The following RGS3 variants were observed in gnomAD, a reference collection of about 807,000 sequenced individuals.
RGS3 encodes regulator of G protein signaling 3, also known as regulator of G-protein signalling 3.
In RGS3, 80 loss-of-function variants were observed where a neutral mutation model predicts 132.6. That is an observed-to-expected ratio of 0.60 (90% CI 0.50 to 0.73). The LOEUF (loss-of-function observed/expected upper bound fraction) is 0.73. Ranked by LOEUF, RGS3 falls within the 30% of genes least tolerant of loss-of-function variation. The pLI is 0.00. For synonymous variants in RGS3, 598 were observed against 620.6 expected (o/e 0.96, Z 0.54); for missense variants, 1,382 against 1,530.8 (o/e 0.90, Z 1.62).
chr9:113,457,720 G>A (rs1357598312), upstream of RGS3, among the ~76,000 whole-genome samples: 2 of 152,158 alleles, frequency 1.3e-5, no homozygotes, highest in African/African-American at 2.4e-5. Flanking sequence ...CTGCATCTTA[G>A]TTGCTTCATA....
At chr9:113,553,467 T>TAA in intron 19 of RGS3, among the ~76,000 whole-genome samples, 1 of 43,436 alleles carries the variant, frequency 2.3e-5, no homozygotes, top group South Asian at 9.4e-4. Context: ...AAAATATATA[T>TAA]ATATATATAT....
At chr9:113,487,439 A>G (rs1444180252) in intron 7 of RGS3, among the ~76,000 whole-genome samples, 2 of 152,192 alleles carry the variant, frequency 1.3e-5, no homozygotes, top group Middle Eastern at 3.2e-3. Context: ...CAACAGCTCT[A>G]AGAAGAGTGT....
chr9:113,507,350 A>G lies in RGS3; in HGVS notation c.1149A>G (p.Pro383=), dbSNP rs1019995995. Residue 383 remains proline, a synonymous_variant, in exon 13 of 25, where the codon CCA becomes CCG. Coordinates refer to ENST00000350696, the Ensembl canonical transcript of RGS3. This position sits in a 1 kb window ranked among gnomAD's most constrained non-coding sequence, Gnocchi z 5.0. ...TGGTCCCCCAGGTCAAGCCAGGACCAGATGGCGGGGTCCTGCGGCGGGCCT... is the reference window on the plus strand; with the variant it reads ...TGGTCCCCCAGGTCAAGCCAGGACCGGATGGCGGGGTCCTGCGGCGGGCCT... 1 of 1,613,906 alleles carries G rather than the reference A, an allele frequency of 6.2e-7. No homozygotes were observed. Among genetic ancestry groups the G allele is most frequent in the African/African-American group, 1.3e-5 (1 of 74,934 alleles).
upstream of RGS3, among the ~76,000 whole-genome samples, chr9:113,458,659 T>C (rs2119153970): frequency 6.6e-6 from 1 of 152,332 alleles, no homozygotes; most frequent in South Asian, 2.1e-4. Flanking sequence ...TATTTAAGAT[T>C]GCTGGCTTTT....
At chr9:113,576,776 G>A (rs574975916) in intron 19 of RGS3, among the ~76,000 whole-genome samples, 10 of 152,290 alleles carry the variant, frequency 6.6e-5, no homozygotes, top group South Asian at 4.1e-4. Context: ...CCACAGCAAC[G>A]TTTTAAGCAG....
intron 21 of RGS3, chr9:113,594,211 G>A: frequency 6.2e-7 from 1 of 1,612,884 alleles, no homozygotes; most frequent in South Asian, 1.1e-5. Context: ...CGGGGTGGGG[G>A]ACAGGAGCCA....
intron 17 of RGS3, among the ~76,000 whole-genome samples, chr9:113,524,189 T>C (rs7041833): frequency 0.12 from 18,937 of 152,140 alleles, 1,460 homozygotes; most frequent in African/African-American, 0.21. Context: ...TCCTGGGCTT[T>C]CCTGCCATCC....
At chr9:113,582,323 A>AT in intron 19 of RGS3, 1 of 590,508 alleles carries the variant, frequency 1.7e-6, no homozygotes, top group Non-Finnish European at 2.1e-6. Flanking sequence ...CTCTTAACCC[A>AT]TGTTCTGGGG....
intron 3 of RGS3, among the ~76,000 whole-genome samples, chr9:113,465,691 G>A (rs1363441006): frequency 6.6e-6 from 1 of 152,150 alleles, no homozygotes; most frequent in Non-Finnish European, 1.5e-5. Flanking sequence ...CCCAGCCATG[G>A]CCTCAGGGCT....
At chr9:113,540,612 T>C (rs1179552489) in intron 19 of RGS3, among the ~76,000 whole-genome samples, 3 of 152,142 alleles carry the variant, frequency 2.0e-5, no homozygotes, top group African/African-American at 2.4e-5. Flanking sequence ...CTGAGAAGCA[T>C]GGAAACCAAG....
chr9:113,585,348 A>G (rs1327520219), intron 20 of RGS3, among the ~76,000 whole-genome samples: 1 of 152,188 alleles, frequency 6.6e-6, no homozygotes, highest in Non-Finnish European at 1.5e-5. Flanking sequence ...CACATCCCAG[A>G]ATGGTTGAGG....
chr9:113,593,703 A>G, intron 21 of RGS3: 1 of 584,614 alleles, frequency 1.7e-6, no homozygotes, highest in Non-Finnish European at 3.0e-6. Context: ...AGGGGCGAAC[A>G]TGAGCAAGAG....
intron 18 of RGS3, among the ~76,000 whole-genome samples, chr9:113,529,648 C>A (rs560380716): frequency 6.6e-6 from 1 of 152,202 alleles, no homozygotes; most frequent in Non-Finnish European, 1.5e-5. Context: ...CTTGCTTCCA[C>A]GTTTTCCAGG....
At chr9:113,580,368 C>T (rs1441959479) in intron 19 of RGS3, among the ~76,000 whole-genome samples, 2 of 152,218 alleles carry the variant, frequency 1.3e-5, no homozygotes, top group South Asian at 4.1e-4. Context: ...AATTCCTTTA[C>T]CCTCTGGGAC....
At chr9:113,525,883 G>A (rs944909134) in intron 17 of RGS3, among the ~76,000 whole-genome samples, 33 of 152,296 alleles carry the variant, frequency 2.2e-4, no homozygotes, top group Middle Eastern at 6.8e-3. Context: ...GCCTCAGTTC[G>A]GGAGCTGGGG....
chr9:113,549,998 G>GA (rs1002385460), intron 19 of RGS3, among the ~76,000 whole-genome samples: 12 of 150,970 alleles, frequency 7.9e-5, no homozygotes, highest in East Asian at 3.9e-4. Flanking sequence ...GTCTCTGAAT[G>GA]AAAAAAAAAT....
chr9:113,553,457 A>AAAAAAAAAAT, intron 19 of RGS3, among the ~76,000 whole-genome samples: 1 of 90,916 alleles, frequency 1.1e-5, no homozygotes, highest in Non-Finnish European at 2.2e-5. Flanking sequence ...AAAAAAAAAA[A>AAAAAAAAAAT]AAATATATAT....
At chr9:113,549,010 G>A (rs1833224880) in intron 19 of RGS3, among the ~76,000 whole-genome samples, 3 of 152,142 alleles carry the variant, frequency 2.0e-5, no homozygotes, top group Admixed American at 2.0e-4. Context: ...TTGCTGACTT[G>A]TCCTCCTTTC....
At chr9:113,494,862 ATTC>A (rs149529317) in intron 7 of RGS3, among the ~76,000 whole-genome samples, 224 of 151,640 alleles carry the variant, frequency 1.5e-3, no homozygotes, top group African/African-American at 4.0e-3. Flanking sequence ...GGAACTCTGA[ATTC>A]TTCTTCTTCT....
Sources: gnomAD v4.1 joint callset for allele counts (sites outside exome capture counted in the v4.1 genomes callset) on GRCh38, gnomAD v4.1.1 for gene constraint, Gnocchi (gnomAD v3.1) non-coding constraint, MANE v1.5 for transcripts, NCBI Gene and HGNC (gene_info 2026-07-23, HGNC 2026-07-21) for gene names.